The following CHN2 variants were observed in gnomAD, a reference collection of about 807,000 sequenced individuals.
The protein encoded by CHN2 is beta-chimaerin.
CHN2 carries 35 observed loss-of-function variants against 56.3 expected under a neutral mutation model. The ratio of observed to expected loss-of-function variants is 0.62; its 90% CI spans 0.47 to 0.82. CHN2 has a LOEUF of 0.82. Among genes scored for constraint, CHN2 ranks in the 40% least tolerant of loss-of-function variants. The pLI is 0.00. For synonymous variants in CHN2, 210 were observed against 212.8 expected (o/e 0.99, Z 0.12); for missense variants, 491 against 580.5 (o/e 0.85, Z 1.58).
chr7:29,480,331 A>T lies in CHN2; in HGVS notation c.629A>T (p.Asn210Ile). The change falls in exon 7 of 13, where the codon AAT (asparagine) becomes ATT (isoleucine). Residue 210 changes from asparagine (N) to isoleucine (I), a missense_variant. Transcript: ENST00000222792. ...AALTHNDNHF[N>I]YEKTHNFKVH... Reference sequence around the variant, plus strand: ...CTCACACACAACGACAACCACTTCAATTATGAGAAGACACACAACTTTAAG... The same window carrying T: ...CTCACACACAACGACAACCACTTCATTTATGAGAAGACACACAACTTTAAG... 1 of 1,614,188 alleles carries T rather than the reference A, an allele frequency of 6.2e-7. No homozygotes were observed. Among genetic ancestry groups the T allele is most frequent in the Non-Finnish European group, 8.5e-7 (1 of 1,180,014 alleles).
intron 1 of CHN2, among the ~76,000 whole-genome samples, chr7:29,271,958 G>GT (rs1235488745): frequency 1.6e-4 from 24 of 152,306 alleles, no homozygotes; most frequent in Non-Finnish European, 3.4e-4. Context: ...CCACACAGTA[G>GT]TTCTTTATAG....
chr7:29,182,691 A>G (rs1483854522), intron 2 of CHN2, among the ~76,000 whole-genome samples: 1 of 152,246 alleles, frequency 6.6e-6, no homozygotes, highest in Non-Finnish European at 1.5e-5. Context: ...CAAGATTGTT[A>G]GCATTCAGCA....
chr7:29,165,496 T>TC, intron 2 of CHN2, among the ~76,000 whole-genome samples: 1 of 152,204 alleles, frequency 6.6e-6, no homozygotes, highest in South Asian at 2.1e-4. Flanking sequence ...TGTTGTCTGT[T>TC]AATAGAGACT....
intron 9 of CHN2, among the ~76,000 whole-genome samples, chr7:29,503,216 G>A (rs1360374075): frequency 6.6e-6 from 1 of 152,144 alleles, no homozygotes; most frequent in Non-Finnish European, 1.5e-5. Context: ...ATATCCTTAT[G>A]AGAAGAGACA....
chr7:29,233,507 G>C lies in CHN2; in HGVS notation c.49+38517G>C, dbSNP rs376210309. Among the ~76,000 whole-genome samples the C allele has an allele frequency of 2.0e-5, 3 of 152,294 alleles. No homozygotes were observed. In the East Asian group the frequency reaches 5.8e-4, roughly 29 times the overall value. ...CCACTTGGAACCTGTAAACATGTTA[G>C]GTTGTGTGGCTAGTGGGAATTAAGG... On this transcript the variant is annotated intron_variant, in intron 1 of 12. Coordinates refer to ENST00000222792, the MANE Select transcript of CHN2 (RefSeq NM_004067.4).
chr7:29,458,069 T>A (rs755415571), intron 6 of CHN2, among the ~76,000 whole-genome samples: 1 of 152,234 alleles, frequency 6.6e-6, no homozygotes, highest in Non-Finnish European at 1.5e-5. Flanking sequence ...AAATCCTTGT[T>A]AACTTTTTAA....
intron 1 of CHN2, among the ~76,000 whole-genome samples, chr7:29,246,527 G>A (rs1200606710): frequency 2.6e-5 from 4 of 152,054 alleles, no homozygotes; most frequent in Non-Finnish European, 4.4e-5. Flanking sequence ...GATCCATATG[G>A]CTCACAGGGG....
At chr7:29,242,759 GAAAAAAAAAAAAAAA>G (rs57273690) in intron 1 of CHN2, among the ~76,000 whole-genome samples, 1 of 59,730 alleles carries the variant, frequency 1.7e-5, no homozygotes, top group Non-Finnish European at 3.3e-5. Context: ...CTTTCCTTCT[GAAAAAAAAAAAAAAA>G]AAAAAAAAAA....
intron 6 of CHN2, among the ~76,000 whole-genome samples, chr7:29,458,326 G>T (rs1481046665): frequency 6.6e-6 from 1 of 151,070 alleles, no homozygotes; most frequent in African/African-American, 2.4e-5. Context: ...CTAGATCATT[G>T]GTTTCCTAAG....
At chr7:29,355,032 A>G (rs1055846922) in intron 2 of CHN2, among the ~76,000 whole-genome samples, 2 of 151,544 alleles carry the variant, frequency 1.3e-5, no homozygotes, top group African/African-American at 4.9e-5. Context: ...GAAATGGCGC[A>G]ATCTTGGCTC....
chr7:29,437,859 C>G (rs1048034892), intron 6 of CHN2, among the ~76,000 whole-genome samples: 3 of 151,746 alleles, frequency 2.0e-5, no homozygotes, highest in Non-Finnish European at 2.9e-5. Context: ...TACATGGAGC[C>G]CAGAGGGGTC....
intron 2 of CHN2, among the ~76,000 whole-genome samples, chr7:29,147,609 C>T (rs1792939855): frequency 6.6e-6 from 1 of 152,166 alleles, no homozygotes; most frequent in Non-Finnish European, 1.5e-5. Context: ...AAAGTATGTG[C>T]TCAGTGACTG....
intron 3 of CHN2, among the ~76,000 whole-genome samples, chr7:29,371,863 A>G (rs1799641449): frequency 6.6e-6 from 1 of 152,194 alleles, no homozygotes; most frequent in South Asian, 2.1e-4. Context: ...ACTGTACTCT[A>G]TCCCCATGAA....
intron 4 of CHN2, among the ~76,000 whole-genome samples, chr7:29,395,822 G>A (rs893608865): frequency 2.0e-5 from 3 of 152,158 alleles, no homozygotes; most frequent in African/African-American, 7.2e-5. Context: ...ATTTAATTTA[G>A]TTATTGACAC....
At chr7:29,444,096 T>C (rs1783864113) in intron 6 of CHN2, among the ~76,000 whole-genome samples, 1 of 152,222 alleles carries the variant, frequency 6.6e-6, no homozygotes, top group African/African-American at 2.4e-5. Flanking sequence ...ATTTTATTTA[T>C]GCTGATGGAA....
intron 1 of CHN2, among the ~76,000 whole-genome samples, chr7:29,294,259 T>TTGAA (rs1562896512): frequency 6.6e-6 from 1 of 152,110 alleles, no homozygotes; most frequent in African/African-American, 2.4e-5. Context: ...TAAATATTAG[T>TTGAA]TGAATGAATG....
chr7:29,311,198 A>T (rs1174141073), intron 1 of CHN2, among the ~76,000 whole-genome samples: 2 of 152,038 alleles, frequency 1.3e-5, no homozygotes, highest in African/African-American at 2.4e-5. Context: ...TCACCTGTTG[A>T]TGGGACTCCC....
intron 1 of CHN2, among the ~76,000 whole-genome samples, chr7:29,273,388 T>TACAC (rs1194733907): frequency 2.4e-4 from 10 of 41,896 alleles, no homozygotes; most frequent in African/African-American, 1.1e-3. Context: ...TATATATATA[T>TACAC]ACACACACCA....
intron 1 of CHN2, among the ~76,000 whole-genome samples, chr7:29,354,152 T>A (rs1798103818): frequency 6.6e-6 from 1 of 152,198 alleles, no homozygotes; most frequent in Non-Finnish European, 1.5e-5. Flanking sequence ...GATCGAGTAT[T>A]TTAGGAGTTC....
Sources: gnomAD v4.1 joint callset for allele counts (sites outside exome capture counted in the v4.1 genomes callset) on GRCh38, gnomAD v4.1.1 for gene constraint, MANE v1.5 for transcripts, NCBI Gene and HGNC (gene_info 2026-07-23, HGNC 2026-07-21) for gene names.